GRIK1: variants seen among roughly 807,000 people sequenced by gnomAD.
GRIK1 encodes glutamate ionotropic receptor kainate type subunit 1.
In GRIK1, 69 loss-of-function variants were observed where a neutral mutation model predicts 105.7. The observed-to-expected ratio is 0.65, with a 90% CI of 0.54 to 0.80. The LOEUF (loss-of-function observed/expected upper bound fraction) is 0.80. Ranked by LOEUF, GRIK1 falls within the 30% of genes least tolerant of loss-of-function variation. The pLI is 0.00. For synonymous variants in GRIK1, 438 were observed against 431.3 expected, an observed-to-expected ratio of 1.02 and a Z score of -0.19; for missense variants, 1,109 against 1,167.3, an observed-to-expected ratio of 0.95 and a Z score of 0.73.
chr21:29,827,111 A>G (rs1256270547), intron 1 of GRIK1, among the ~76,000 whole-genome samples: 2 of 152,138 alleles, frequency 1.3e-5, no homozygotes, highest in African/African-American at 4.8e-5. Flanking sequence ...CTTCAATTAA[A>G]AAATTAATTA....
intron 1 of GRIK1, among the ~76,000 whole-genome samples, chr21:29,912,185 T>C (rs537714174): frequency 6.6e-6 from 1 of 152,206 alleles, no homozygotes; most frequent in East Asian, 1.9e-4. Flanking sequence ...TAAATTCCCC[T>C]TGATCAAAAA....
intron 1 of GRIK1, among the ~76,000 whole-genome samples, chr21:29,888,201 C>CTTTCTTTCTTTCTTCCTT (rs1569191676): frequency 2.4e-4 from 14 of 57,342 alleles, no homozygotes; most frequent in Non-Finnish European, 3.7e-4. Flanking sequence ...TTCTTTCTCT[C>CTTTCTTTCTTTCTTCCTT]TCTCTCTCTC....
chr21:29,850,225 C>T (rs1052153178), intron 1 of GRIK1, among the ~76,000 whole-genome samples: 1 of 152,048 alleles, frequency 6.6e-6, no homozygotes, highest in African/African-American at 2.4e-5. Context: ...CTTCTCTTTG[C>T]CATAAATGGA....
chr21:29,709,593 AT>A (rs1000358835), intron 1 of GRIK1, among the ~76,000 whole-genome samples: 8 of 151,904 alleles, frequency 5.3e-5, no homozygotes, highest in African/African-American at 1.9e-4. Flanking sequence ...ATGGGGAAAT[AT>A]TTTTTTAAAT....
At chr21:29,575,989 A>G (rs1436205677) in intron 14 of GRIK1, among the ~76,000 whole-genome samples, 1 of 152,150 alleles carries the variant, frequency 6.6e-6, no homozygotes, top group African/African-American at 2.4e-5. Flanking sequence ...TTTTGTTTAC[A>G]ACTGTTGTTT....
intron 16 of GRIK1, among the ~76,000 whole-genome samples, chr21:29,541,299 T>C (rs564640092): frequency 4.6e-5 from 7 of 152,158 alleles, no homozygotes; most frequent in Non-Finnish European, 1.0e-4. Flanking sequence ...TTAGAATTGG[T>C]GCCTGGTATC....
At chr21:29,894,330 G>T (rs1438187933) in intron 1 of GRIK1, among the ~76,000 whole-genome samples, 10 of 152,120 alleles carry the variant, frequency 6.6e-5, no homozygotes, top group African/African-American at 2.4e-4. Context: ...TCAATCTGTA[G>T]TCAAAGGCCC....
chr21:29,833,385 T>G (rs1475323554), intron 1 of GRIK1, among the ~76,000 whole-genome samples: 4 of 152,202 alleles, frequency 2.6e-5, no homozygotes, highest in Non-Finnish European at 5.9e-5. Context: ...ACCAATTTTC[T>G]GTATTAGTCA....
intron 1 of GRIK1, among the ~76,000 whole-genome samples, chr21:29,765,522 C>A (rs965536610): frequency 1.3e-5 from 2 of 152,044 alleles, no homozygotes; most frequent in Non-Finnish European, 1.5e-5. Context: ...CAACTGCAAA[C>A]TCTGTAAAAT....
intron 1 of GRIK1, among the ~76,000 whole-genome samples, chr21:29,910,326 G>T (rs754835111): frequency 6.6e-6 from 1 of 152,010 alleles, no homozygotes; most frequent in Non-Finnish European, 1.5e-5. Flanking sequence ...GTCTAAACAC[G>T]TGGGGATCCT....
intron 6 of GRIK1, among the ~76,000 whole-genome samples, chr21:29,643,818 A>G (rs1394053622): frequency 1.3e-5 from 2 of 152,192 alleles, no homozygotes; most frequent in Non-Finnish European, 1.5e-5. Context: ...GAAATTCTCA[A>G]CAAGTCTTCA....
intron 1 of GRIK1, among the ~76,000 whole-genome samples, chr21:29,758,383 A>G (rs2065406999): frequency 6.6e-6 from 1 of 152,218 alleles, no homozygotes; most frequent in African/African-American, 2.4e-5. Context: ...CACGTCTTCC[A>G]TGGTGGTGGG....
chr21:29,720,600 A>C (rs2064295357), intron 1 of GRIK1, among the ~76,000 whole-genome samples: 1 of 152,134 alleles, frequency 6.6e-6, no homozygotes, highest in African/African-American at 2.4e-5. Context: ...ACTCCCAAGC[A>C]GCATCTGGAA....
intron 1 of GRIK1, among the ~76,000 whole-genome samples, chr21:29,726,605 G>C (rs1433734875): frequency 6.6e-6 from 1 of 151,846 alleles, no homozygotes; most frequent in Non-Finnish European, 1.5e-5. Flanking sequence ...TCTCTATATA[G>C]TTTTATATAA....
At chr21:29,904,505 A>G (rs962629327) in intron 1 of GRIK1, among the ~76,000 whole-genome samples, 1 of 152,198 alleles carries the variant, frequency 6.6e-6, no homozygotes, top group African/African-American at 2.4e-5. Flanking sequence ...TGCAATGTTT[A>G]TGGAGCAAAT....
At chr21:29,782,124 TC>T (rs2066131051) in intron 1 of GRIK1, among the ~76,000 whole-genome samples, 1 of 148,606 alleles carries the variant, frequency 6.7e-6, no homozygotes, top group Non-Finnish European at 1.5e-5. Context: ...TCTCGCTGTG[TC>T]GCCCAGGCTG....
chr21:29,714,953 G>C (rs535039007), intron 1 of GRIK1, among the ~76,000 whole-genome samples: 1 of 152,274 alleles, frequency 6.6e-6, no homozygotes, highest in East Asian at 1.9e-4. Flanking sequence ...TTTCAGAATG[G>C]AATTTAGTTG....
rs1443798373 is a variant in GRIK1 at position 29,693,909 on chromosome 21, T to C, written c.273A>G (p.Glu91=). ...GAAAATAGTTACCTCTCCGCGAGGC[T>C]TCAAAACTATCAAAAAGGTTAATTC... The part of the protein sequence containing the change: ...IQRINLFDSF[E]ASRRACDQLA... The change falls in exon 2 of 18, where the codon GAA becomes GAG. Residue 91 remains glutamate, a synonymous_variant. Transcript: ENST00000327783. The C allele has an allele frequency of 6.2e-7, 1 of 1,612,856 alleles. No homozygotes were observed. The highest frequency in any genetic ancestry group is 1.1e-5 in the South Asian group (1 of 90,966).
At chr21:29,909,602 C>T (rs2146288880) in intron 1 of GRIK1, among the ~76,000 whole-genome samples, 1 of 152,172 alleles carries the variant, frequency 6.6e-6, no homozygotes, top group Non-Finnish European at 1.5e-5. Flanking sequence ...ACTAAAATAG[C>T]TTTCATTTAC....
Sources: allele counts gnomAD v4.1 joint callset (sites outside exome capture counted in the v4.1 genomes callset), GRCh38; gene constraint gnomAD v4.1.1; transcripts MANE v1.5; gene names NCBI Gene and HGNC (gene_info 2026-07-23, HGNC 2026-07-21).